Variants in PHLPP1 observed in about 807,000 individuals in gnomAD.
PHLPP1 encodes the protein PH domain leucine-rich repeat-containing protein phosphatase 1.
PHLPP1 carries 42 observed loss-of-function variants against 117.2 expected under a neutral mutation model. The observed-to-expected ratio is 0.36, with a 90% CI of 0.28 to 0.46. PHLPP1 has a LOEUF of 0.46. PHLPP1 is among the 20% of genes least tolerant of loss of function. The probability of loss-of-function intolerance (pLI) is 1.00; values close to 1 mark genes in which losing one functional copy is unlikely to be tolerated. For synonymous variants in PHLPP1, 1,042 were observed against 970.7 expected (o/e 1.07, Z -1.37); for missense variants, 2,084 against 2,241.9 (o/e 0.93, Z 1.42).
intron 1 of PHLPP1, among the ~76,000 whole-genome samples, chr18:62,761,008 T>C (rs1473539462): frequency 6.6e-6 from 1 of 151,990 alleles, no homozygotes; most frequent in Non-Finnish European, 1.5e-5. Flanking sequence ...TACAGGCACC[T>C]GCCACCACAC....
chr18:62,846,209 CAAAAAAAAAAA>C (rs34577472), intron 3 of PHLPP1, among the ~76,000 whole-genome samples: 1 of 78,678 alleles, frequency 1.3e-5, no homozygotes, highest in Non-Finnish European at 2.3e-5. Flanking sequence ...AACTCCATCT[CAAAAAAAAAAA>C]AAAAAAAAAA....
chr18:62,766,390 GGGA>G (rs1395613569), intron 1 of PHLPP1, among the ~76,000 whole-genome samples: 3 of 151,852 alleles, frequency 2.0e-5, no homozygotes, highest in South Asian at 2.1e-4. Flanking sequence ...TCTTCCCTAG[GGGA>G]GGAGAAGTGA....
intron 1 of PHLPP1, among the ~76,000 whole-genome samples, chr18:62,759,130 T>TG (rs1912128196): frequency 6.6e-6 from 1 of 152,114 alleles, no homozygotes; most frequent in Non-Finnish European, 1.5e-5. Context: ...CAGAGGGTGA[T>TG]TTAGTACTAT....
intron 1 of PHLPP1, among the ~76,000 whole-genome samples, chr18:62,828,863 A>G (rs1281676324): frequency 1.3e-5 from 2 of 152,216 alleles, no homozygotes; most frequent in African/African-American, 2.4e-5. Context: ...TAGTACATAT[A>G]TCTCTTATTA....
At chr18:62,890,367 A>G (rs1350917705) in intron 4 of PHLPP1, among the ~76,000 whole-genome samples, 2 of 151,892 alleles carry the variant, frequency 1.3e-5, no homozygotes, top group African/African-American at 4.8e-5. Context: ...CCCTGGTTCA[A>G]GTGATTCTCC....
chr18:62,971,952 C>T (rs983884034), intron 14 of PHLPP1, among the ~76,000 whole-genome samples: 8 of 152,026 alleles, frequency 5.3e-5, no homozygotes, highest in African/African-American at 1.9e-4. Context: ...GGGAGAATCG[C>T]TTGAGCCCTA....
chr18:62,906,491 T>A (rs935594568), intron 8 of PHLPP1: 1 of 145,928 alleles, frequency 6.9e-6, no homozygotes, highest in Non-Finnish European at 1.5e-5. Flanking sequence ...TTGCCTCACC[T>A]GGGAAGCGCA....
chr18:62,961,679 G>A (rs1910773546), intron 13 of PHLPP1, among the ~76,000 whole-genome samples: 2 of 152,096 alleles, frequency 1.3e-5, no homozygotes, highest in South Asian at 4.1e-4. Context: ...ATGGAGGACT[G>A]TCCTTTTTTT....
chr18:62,869,294 G>T (rs1225518698), intron 4 of PHLPP1, among the ~76,000 whole-genome samples: 1 of 152,106 alleles, frequency 6.6e-6, no homozygotes, highest in African/African-American at 2.4e-5. Flanking sequence ...ACTGTCCTCT[G>T]CTGGAATTGG....
chr18:62,942,941 T>A (rs946771941), intron 11 of PHLPP1, among the ~76,000 whole-genome samples: 3 of 152,206 alleles, frequency 2.0e-5, no homozygotes, highest in African/African-American at 7.2e-5. Flanking sequence ...TTGATATTAA[T>A]AATTAAACTA....
chr18:62,836,565 C>T (rs1388128116), intron 2 of PHLPP1, among the ~76,000 whole-genome samples: 1 of 151,798 alleles, frequency 6.6e-6, no homozygotes, highest in African/African-American at 2.4e-5. Context: ...AGTTTCCTTT[C>T]TGTTACTGTT....
intron 1 of PHLPP1, among the ~76,000 whole-genome samples, chr18:62,800,147 C>G (rs947344682): frequency 6.6e-6 from 1 of 152,042 alleles, no homozygotes; most frequent in South Asian, 2.1e-4. Context: ...GGAGGGTGTC[C>G]GGAGAATAGA....
chr18:62,876,422 C>T (rs544818578), intron 4 of PHLPP1, among the ~76,000 whole-genome samples: 14 of 152,228 alleles, frequency 9.2e-5, no homozygotes, highest in Middle Eastern at 6.8e-3. Context: ...CTTCTCAATT[C>T]CATGTGACCT....
intron 4 of PHLPP1, among the ~76,000 whole-genome samples, chr18:62,885,107 G>T (rs556935933): frequency 1.8e-3 from 274 of 152,264 alleles, no homozygotes; most frequent in Non-Finnish European, 2.6e-3. Context: ...TTGAATAAGT[G>T]TTAAGAAAAT....
In PHLPP1 at chr18:62,716,940, C is replaced by T. The variant is rs1416093592; in HGVS notation, c.1257C>T (p.Ala419=). 1.3e-6 allele frequency: 2 copies of T among 1,536,652 alleles called. No homozygotes were observed. The highest frequency in any genetic ancestry group is 1.7e-6 in the Non-Finnish European group (2 of 1,145,896). ...CCTCGCCTCAGCCGCAGCAGAAAGCCCCGAGGGCCATTGACAGCCCGGGCG... is the reference window on the plus strand; with the variant it reads ...CCTCGCCTCAGCCGCAGCAGAAAGCTCCGAGGGCCATTGACAGCCCGGGCG... The part of the protein sequence containing the change: ...TASSPQPQQK[A]PRAIDSPGGA... Residue 419 remains alanine, a synonymous_variant, in exon 1 of 17, where the codon GCC becomes GCT. Coordinates refer to ENST00000262719, the MANE Select transcript of PHLPP1 (RefSeq NM_194449.4). This position sits in a 1 kb window ranked among gnomAD's most constrained non-coding sequence, Gnocchi z 5.7.
rs528447121 is a variant in PHLPP1 at position 62,878,438 on chromosome 18, G to A, written c.2067-16573G>A. Among the ~76,000 whole-genome samples, 3 of 152,256 alleles carry A rather than the reference G, an allele frequency of 2.0e-5. No individual in the cohort carries two copies. In the East Asian group the frequency reaches 5.8e-4, roughly 29 times the overall value. ...TCTGGAGCTCATTCAGACAACACACGCATGTCAGTTTTGAAAACTAAGGAC... is the reference window on the plus strand; with the variant it reads ...TCTGGAGCTCATTCAGACAACACACACATGTCAGTTTTGAAAACTAAGGAC... On this transcript the variant is annotated intron_variant, in intron 4 of 16. Coordinates refer to ENST00000262719, the MANE Select transcript of PHLPP1 (RefSeq NM_194449.4).
chr18:62,836,691 T>C (rs1914913664), intron 2 of PHLPP1, among the ~76,000 whole-genome samples: 1 of 151,550 alleles, frequency 6.6e-6, no homozygotes, highest in African/African-American at 2.4e-5. Flanking sequence ...TTTGAAACTT[T>C]GGTAAAAGTT....
intron 12 of PHLPP1, among the ~76,000 whole-genome samples, chr18:62,949,733 T>G (rs1910399986): frequency 6.6e-6 from 1 of 152,210 alleles, no homozygotes; most frequent in Non-Finnish European, 1.5e-5. Context: ...GGATACAGAT[T>G]AGCTCTTGAT....
At chr18:62,879,379 T>C (rs1406630377) in intron 4 of PHLPP1, among the ~76,000 whole-genome samples, 1 of 152,024 alleles carries the variant, frequency 6.6e-6, no homozygotes, top group Non-Finnish European at 1.5e-5. Context: ...TTTTTCTTTA[T>C]AAATTACCCA....
Sources: allele counts gnomAD v4.1 joint callset (sites outside exome capture counted in the v4.1 genomes callset), GRCh38; gene constraint gnomAD v4.1.1; non-coding constraint Gnocchi (gnomAD v3.1); transcripts MANE v1.5; gene names NCBI Gene and HGNC (gene_info 2026-07-23, HGNC 2026-07-21).